NUP160: variants seen among roughly 807,000 people sequenced by gnomAD.
NUP160 encodes nucleoporin 160, also known as nuclear pore complex protein Nup160.
Under a neutral mutation model 196.9 loss-of-function variants are expected in NUP160, and 94 were observed. The observed-to-expected ratio is 0.48, with a 90% CI of 0.40 to 0.57. The LOEUF (loss-of-function observed/expected upper bound fraction) is 0.57, where lower values mean the gene tolerates loss of function less well. Among genes scored for constraint, NUP160 ranks in the 20% least tolerant of loss-of-function variants. The pLI, the probability that NUP160 is intolerant of heterozygous loss-of-function variation, is 0.00. For synonymous variants in NUP160, 605 were observed against 619.7 expected, an observed-to-expected ratio of 0.98 and a Z score of 0.35; for missense variants, 1,638 against 1,748.3, an observed-to-expected ratio of 0.94 and a Z score of 1.13.
chr11:47,798,639 T>G (rs1407589284), intron 23 of NUP160, among the ~76,000 whole-genome samples, 176 bp from the exon 24 acceptor site: 1 of 151,834 alleles, frequency 6.6e-6, no homozygotes, highest in Non-Finnish European at 1.5e-5. Flanking sequence ...GCCTGGGCAA[T>G]ATGGCAAGAC....
intron 11 of NUP160, among the ~76,000 whole-genome samples, chr11:47,816,398 A>G (rs777304607): frequency 4.6e-5 from 7 of 152,234 alleles, no homozygotes; most frequent in Non-Finnish European, 7.3e-5. Context: ...GTGGGAGGTC[A>G]GTCTAAAATA....
rs538215609 is a variant in NUP160, at chr11:47,798,922, G to A, written c.2896-459C>T. On this transcript the variant is annotated intron_variant, in intron 23 of 35. Coordinates refer to ENST00000378460, the Ensembl canonical transcript of NUP160. ...CACCTGTCATTCTGACCAACACGGC[G>A]AGACCCCATCTCTATTATTAAAAAA... Among the ~76,000 whole-genome samples, 12 of 145,830 alleles carry A rather than the reference G, an allele frequency of 8.2e-5. No homozygotes were observed. The South Asian group carries it at 1.5e-3, about 18-fold the overall frequency.
chr11:47,811,336 C>T (rs971514164), intron 17 of NUP160, among the ~76,000 whole-genome samples: 1 of 151,994 alleles, frequency 6.6e-6, no homozygotes, highest in Non-Finnish European at 1.5e-5. Flanking sequence ...TGGTGAAACC[C>T]TGTCTCTACT....
chr11:47,825,158 C>T (rs1430568034), intron 7 of NUP160, among the ~76,000 whole-genome samples: 1 of 151,906 alleles, frequency 6.6e-6, no homozygotes, highest in Admixed American at 6.6e-5. Flanking sequence ...TTTGTAGGGA[C>T]GGAGTCTCAC....
At chr11:47,792,998 T>A (rs1009355993) in intron 27 of NUP160, 52 bp from the exon 28 acceptor site, 2 of 1,530,902 alleles carry the variant, frequency 1.3e-6, no homozygotes. Context: ...TTTTTTTCTT[T>A]TTTTTGGAGA....
chr11:47,839,465 A>G (rs1852251446), intron 4 of NUP160: 1 of 225,672 alleles, frequency 4.4e-6, no homozygotes, highest in Admixed American at 5.1e-5. Flanking sequence ...AGATATATAG[A>G]AAGCTAATAC....
intron 17 of NUP160, among the ~76,000 whole-genome samples, chr11:47,811,170 T>C (rs979737316): frequency 6.6e-6 from 1 of 152,114 alleles, no homozygotes; most frequent in Non-Finnish European, 1.5e-5. Flanking sequence ...ACCACAAAGA[T>C]AAACCTGCAT....
intron 2 of NUP160, among the ~76,000 whole-genome samples, chr11:47,841,053 C>T (rs921664800): frequency 1.5e-4 from 23 of 152,026 alleles, no homozygotes; most frequent in Non-Finnish European, 3.1e-4. Flanking sequence ...TTTATACATG[C>T]GCTTACATGT....
Position 47,835,090 on chromosome 11 carries a change from A to G in NUP160, c.1101+561T>C, listed in dbSNP as rs544874057. Among the ~76,000 whole-genome samples, 35 of 152,244 alleles carry G rather than the reference A, an allele frequency of 2.3e-4. 1 individual carries two copies. The South Asian group carries it at 7.2e-3, about 32-fold the overall frequency. Reference sequence around the variant, plus strand: ...TCAGAGCTCCTGCATAGTAAGGGAGACAGACCCTACCTCACTGGGCTGTTA... The same window carrying G: ...TCAGAGCTCCTGCATAGTAAGGGAGGCAGACCCTACCTCACTGGGCTGTTA... On this transcript the variant is annotated intron_variant, in intron 7 of 35. Transcript: ENST00000378460.
chr11:47,835,481 AC>A (rs3217710), intron 7 of NUP160, among the ~76,000 whole-genome samples, 169 bp downstream of exon 7: 17,427 of 151,940 alleles, frequency 0.11, 1,164 homozygotes, highest in Non-Finnish European at 0.15. Context: ...TTTCATACTG[AC>A]CCCTCCTTCA....
chr11:47,818,203 T>C, intron 10 of NUP160, 79 bp from the exon 11 acceptor site: 1 of 876,884 alleles, frequency 1.1e-6, no homozygotes, highest in Non-Finnish European at 1.9e-6. Context: ...AAGTTTGAGT[T>C]TCTACTATAT....
chr11:47,809,153 G>A (rs2097679516), intron 17 of NUP160, among the ~76,000 whole-genome samples: 1 of 151,062 alleles, frequency 6.6e-6, no homozygotes, highest in Admixed American at 6.6e-5. Flanking sequence ...TGTAGTCCCA[G>A]GTACTCAGGA....
chr11:47,817,916 A>G, intron 11 of NUP160, 140 bp downstream of exon 11: 1 of 551,302 alleles, frequency 1.8e-6, no homozygotes, highest in Non-Finnish European at 3.3e-6. Flanking sequence ...TAAAAAAATT[A>G]TAAAAGTATT....
At chr11:47,832,844 T>C (rs1031411355) in intron 7 of NUP160, among the ~76,000 whole-genome samples, 1 of 152,234 alleles carries the variant, frequency 6.6e-6, no homozygotes, top group Non-Finnish European at 1.5e-5. Context: ...ACATGCTACA[T>C]GGATGAACCT....
intron 22 of NUP160, among the ~76,000 whole-genome samples, chr11:47,802,774 T>C (rs2097674991): frequency 1.3e-5 from 2 of 151,690 alleles, no homozygotes; most frequent in South Asian, 4.2e-4. Context: ...CAGGAGTTCG[T>C]GACCAGCCTG....
intron 23 of NUP160, 119 bp from the exon 24 acceptor site, chr11:47,798,582 A>G (rs1565191915): frequency 1.6e-6 from 1 of 643,436 alleles, no homozygotes; most frequent in African/African-American, 1.8e-5. Flanking sequence ...TCACACCTCC[A>G]ATCCCAGTAC....
rs761474196 is a variant in NUP160, at chr11:47,813,036, C to A, written c.1798G>T (p.Ala600Ser). The change falls in exon 15 of 36, where the codon GCT (alanine) becomes TCT (serine). Residue 600 changes from alanine to serine, a missense_variant. Transcript: ENST00000378460. ...TTTATAAGACATATGACATCCCGAG[C>A]GATGTCCACATCTACAAATAAGAGA... 23 of 1,605,472 alleles carry A rather than the reference C, an allele frequency of 1.4e-5. No individual in the cohort carries two copies. Among genetic ancestry groups the A allele is most frequent in the Non-Finnish European group, 1.8e-5 (21 of 1,174,050 alleles).
At chr11:47,818,359 T>C (rs138502063) in intron 10 of NUP160, among the ~76,000 whole-genome samples, 4 of 152,346 alleles carry the variant, frequency 2.6e-5, no homozygotes, top group African/African-American at 9.6e-5. Context: ...AGAGCTTCAT[T>C]GGGTTCCGGC....
chr11:47,791,883 A>G (rs553686655), intron 29 of NUP160, 47 bp downstream of exon 29: 16 of 1,187,826 alleles, frequency 1.3e-5, no homozygotes, highest in African/African-American at 9.1e-5. Context: ...AACAATAACA[A>G]CATTACTACT....
Sources: gnomAD v4.1 joint callset for allele counts (sites outside exome capture counted in the v4.1 genomes callset) on GRCh38, gnomAD v4.1.1 for gene constraint, MANE v1.5 for transcripts, NCBI Gene and HGNC (gene_info 2026-07-23, HGNC 2026-07-21) for gene names.